Variants in FBN2 observed in about 807,000 individuals in gnomAD.
FBN2 encodes the protein fibrillin 2.
FBN2 carries 105 observed loss-of-function variants against 355.6 expected under a neutral mutation model. The observed-to-expected ratio is 0.30, with a 90% CI of 0.25 to 0.35. The LOEUF (loss-of-function observed/expected upper bound fraction) is 0.35, where lower values mean the gene tolerates loss of function less well. Ranked by LOEUF, FBN2 falls within the 10% of genes least tolerant of loss-of-function variation. FBN2 has a pLI of 1.00. For missense variants in FBN2, 3,280 were observed against 3,758.7 expected (o/e 0.87, Z 3.33); for synonymous variants, 1,350 against 1,301.2 (o/e 1.04, Z -0.81).
intron 5 of FBN2, among the ~76,000 whole-genome samples, chr5:128,471,147 G>T (rs758698241): frequency 8.6e-5 from 13 of 152,004 alleles, no homozygotes; most frequent in Non-Finnish European, 1.8e-4. Context: ...GTAAAATAAA[G>T]AATTCTGCAA....
chr5:128,298,601 T>C (rs923766216), intron 48 of FBN2, among the ~76,000 whole-genome samples: 3 of 152,270 alleles, frequency 2.0e-5, no homozygotes, highest in Admixed American at 1.3e-4. Context: ...CTTCCATCGC[T>C]GATACCCTTT....
intron 5 of FBN2, among the ~76,000 whole-genome samples, chr5:128,516,567 C>T (rs1311245249): frequency 6.6e-6 from 1 of 152,084 alleles, no homozygotes; most frequent in Non-Finnish European, 1.5e-5. Flanking sequence ...GCTAGAAAAG[C>T]AGCCATGTTT....
intron 8 of FBN2, among the ~76,000 whole-genome samples, chr5:128,407,597 T>TA (rs1166310665): frequency 1.3e-5 from 2 of 152,230 alleles, no homozygotes; most frequent in South Asian, 4.1e-4. Flanking sequence ...ATTAGTAGGC[T>TA]TCTACTGTTA....
intron 5 of FBN2, among the ~76,000 whole-genome samples, chr5:128,496,556 A>G (rs778883041): frequency 6.6e-6 from 1 of 152,148 alleles, no homozygotes; most frequent in Non-Finnish European, 1.5e-5. Flanking sequence ...ATCATATTTA[A>G]TGGTGAAATA....
chr5:128,462,673 A>C (rs990258533), intron 6 of FBN2, among the ~76,000 whole-genome samples: 8 of 152,176 alleles, frequency 5.3e-5, no homozygotes, highest in African/African-American at 1.9e-4. Flanking sequence ...ATCAGATGAC[A>C]CATTTTTTAT....
intron 11 of FBN2, among the ~76,000 whole-genome samples, chr5:128,379,733 G>T (rs1752180367): frequency 6.6e-6 from 1 of 152,036 alleles, no homozygotes; most frequent in Non-Finnish European, 1.5e-5. Context: ...AGTATAAGAA[G>T]TTTAATTCAT....
At chr5:128,400,865 T>A (rs975100817) in intron 8 of FBN2, among the ~76,000 whole-genome samples, 1 of 152,202 alleles carries the variant, frequency 6.6e-6, no homozygotes, top group East Asian at 1.9e-4. Context: ...TCTCCCAGAA[T>A]TCCCACATGT....
At chr5:128,367,850 C>G (rs985998862) in intron 16 of FBN2, among the ~76,000 whole-genome samples, 42 of 150,560 alleles carry the variant, frequency 2.8e-4, no homozygotes, top group African/African-American at 9.7e-4. Context: ...TTTAGAACTA[C>G]GTTCTCCTCA....
intron 6 of FBN2, 92 bp from the exon 7 acceptor site, chr5:128,446,698 T>C (rs1754074347): frequency 5.1e-6 from 7 of 1,369,686 alleles, no homozygotes; most frequent in Non-Finnish European, 7.1e-6. Context: ...TAAACATTCT[T>C]CTAAGAAACT....
intron 48 of FBN2, among the ~76,000 whole-genome samples, chr5:128,296,885 G>C (rs548865760): frequency 6.6e-6 from 1 of 151,814 alleles, no homozygotes; most frequent in South Asian, 2.1e-4. Context: ...GCTAGCTTTT[G>C]AATGTGTTTG....
chr5:128,368,962 A>AT (rs1213011070), intron 16 of FBN2, among the ~76,000 whole-genome samples: 2 of 151,818 alleles, frequency 1.3e-5, no homozygotes, highest in Non-Finnish European at 2.9e-5. Context: ...CAGCAAATAG[A>AT]TTTTTTTATT....
chr5:128,278,894 C>T, intron 56 of FBN2, 53 bp from the exon 57 acceptor site: 1 of 1,446,198 alleles, frequency 6.9e-7, no homozygotes, highest in Non-Finnish European at 9.6e-7. Context: ...ATTTCATTAT[C>T]CTGGCTTTCA....
chr5:128,415,585 T>G (rs1753175415), intron 7 of FBN2, among the ~76,000 whole-genome samples: 2 of 152,174 alleles, frequency 1.3e-5, no homozygotes, highest in South Asian at 4.1e-4. Flanking sequence ...ATATATCACA[T>G]TTTTTTAATC....
intron 7 of FBN2, among the ~76,000 whole-genome samples, chr5:128,444,328 T>A (rs1197581540): frequency 2.6e-5 from 4 of 152,106 alleles, no homozygotes; most frequent in Non-Finnish European, 5.9e-5. Flanking sequence ...CGCCTCGGCC[T>A]CCCAAAGTGC....
intron 22 of FBN2, 52 bp from the exon 23 acceptor site, chr5:128,349,524 G>T: frequency 1.3e-6 from 2 of 1,599,620 alleles, no homozygotes; most frequent in Non-Finnish European, 1.7e-6. Context: ...AATAGAAAAA[G>T]CAGGTGTGGT....
chr5:128,394,817 G>A (rs765184155), intron 9 of FBN2, among the ~76,000 whole-genome samples: 1 of 151,996 alleles, frequency 6.6e-6, no homozygotes, highest in Non-Finnish European at 1.5e-5. Flanking sequence ...ACAGGGTCTC[G>A]CTCTGTCACT....
intron 7 of FBN2, among the ~76,000 whole-genome samples, chr5:128,419,173 T>G (rs1753280601): frequency 6.6e-6 from 1 of 152,232 alleles, no homozygotes; most frequent in Admixed American, 6.5e-5. Flanking sequence ...TTCTAATAGT[T>G]TTTAGAGTAC....
chr5:128,402,487 T>C (rs1254945283), intron 8 of FBN2, among the ~76,000 whole-genome samples: 2 of 152,112 alleles, frequency 1.3e-5, no homozygotes, highest in Admixed American at 6.5e-5. Context: ...TGAAACGTAA[T>C]AAAGGTACAC....
At chr5:128,404,158 C>G (rs1302737310) in intron 8 of FBN2, among the ~76,000 whole-genome samples, 1 of 152,204 alleles carries the variant, frequency 6.6e-6, no homozygotes, top group Non-Finnish European at 1.5e-5. Flanking sequence ...ATATCTCCAA[C>G]ATATATAATT....
Sources: gnomAD v4.1 joint callset for allele counts (sites outside exome capture counted in the v4.1 genomes callset) on GRCh38, gnomAD v4.1.1 for gene constraint, MANE v1.5 for transcripts, NCBI Gene and HGNC (gene_info 2026-07-23, HGNC 2026-07-21) for gene names.